PRKN: variants seen among roughly 807,000 people sequenced by gnomAD.
PRKN encodes parkin RBR E3 ubiquitin protein ligase, also known as E3 ubiquitin-protein ligase parkin.
PRKN carries 56 observed loss-of-function variants against 59.5 expected under a neutral mutation model. That is an observed-to-expected ratio of 0.94 (90% confidence interval 0.76 to 1.18). The LOEUF is 1.18. Among genes scored for constraint, PRKN ranks in the 50% most tolerant of loss-of-function variants. The probability of loss-of-function intolerance (pLI) is 0.00; values close to 1 mark genes in which losing one functional copy is unlikely to be tolerated. For synonymous variants in PRKN, 250 were observed against 222.1 expected (o/e 1.13, Z -1.12); for missense variants, 657 against 596.4 (o/e 1.10, Z -1.06).
intron 9 of PRKN, among the ~76,000 whole-genome samples, chr6:161,421,145 T>C (rs1426663507): frequency 6.6e-6 from 1 of 152,144 alleles, no homozygotes; most frequent in Non-Finnish European, 1.5e-5. Flanking sequence ...TGGGTGAGCC[T>C]TTACCCTCCA....
chr6:161,787,414 CCAAA>C (rs1177945138), intron 6 of PRKN, among the ~76,000 whole-genome samples: 4 of 152,276 alleles, frequency 2.6e-5, no homozygotes, highest in Middle Eastern at 3.4e-3. Flanking sequence ...CTATTTCTAA[CCAAA>C]CAGTCACTCG....
chr6:162,450,702 G>A lies in PRKN; in HGVS notation c.8-7229C>T, dbSNP rs376522497. Among the ~76,000 whole-genome samples the A allele has an allele frequency of 4.2e-4, 64 of 152,230 alleles. 2 individuals are homozygous for A. In the South Asian group the frequency reaches 6.0e-3, roughly 14 times the overall value. On this transcript the variant is annotated intron_variant, in intron 1 of 11. Transcript: ENST00000366898. ...GTAAAAAACACCTGGCCAGCACTGC[G>A]CAAACCTTTCAAGGTCATCCAAAAC...
chr6:161,530,710 G>A lies in PRKN; in HGVS notation c.1083+18144C>T, dbSNP rs1197429665. ...TTTTTCTATTTTTAGTGGAGACGGG[G>A]TTTCTCTATGTTGGTCAGGCCAGTC... On this transcript the variant is annotated intron_variant, in intron 9 of 11. Coordinates refer to ENST00000366898, the MANE Select transcript of PRKN (RefSeq NM_004562.3). The surrounding 1 kb of genome is among the most constrained non-coding windows in gnomAD (Gnocchi z 5.0). Among the ~76,000 whole-genome samples the A allele has an allele frequency of 6.6e-6, 1 of 151,670 alleles. No individual in the cohort carries two copies. Among genetic ancestry groups the A allele is most frequent in the Admixed American group, 6.6e-5 (1 of 15,236 alleles).
chr6:162,721,162 C>T (rs1778928706), intron 1 of PRKN, among the ~76,000 whole-genome samples: 1 of 152,214 alleles, frequency 6.6e-6, no homozygotes, highest in Non-Finnish European at 1.5e-5. Context: ...CTCTATTAAA[C>T]ATTATCTGGA....
At chr6:162,649,728 C>G (rs1305084143) in intron 1 of PRKN, among the ~76,000 whole-genome samples, 2 of 151,798 alleles carry the variant, frequency 1.3e-5, no homozygotes, top group Non-Finnish European at 2.9e-5. Context: ...AATGTGAGAA[C>G]TAATGATACA....
intron 1 of PRKN, among the ~76,000 whole-genome samples, chr6:162,584,794 TCCCCTCCCCTCCCCTCCC>T (rs1780948385): frequency 1.5e-4 from 1 of 6,610 alleles, no homozygotes; most frequent in Admixed American, 1.5e-3. Context: ...TCCTCTCCCC[TCCCCTCCCCTCCCCTCCC>T]CTCCCCTCCC....
chr6:162,543,312 C>T (rs1349099226), intron 1 of PRKN, among the ~76,000 whole-genome samples: 2 of 152,086 alleles, frequency 1.3e-5, no homozygotes, highest in Non-Finnish European at 2.9e-5. Flanking sequence ...GGCTTCTTGG[C>T]TAATCTTAGC....
At chr6:162,551,382 T>C (rs1779325666) in intron 1 of PRKN, among the ~76,000 whole-genome samples, 1 of 152,198 alleles carries the variant, frequency 6.6e-6, no homozygotes, top group South Asian at 2.1e-4. Context: ...CAAAAGAATA[T>C]CATAAACAAA....
rs999463569 is a variant in PRKN at position 162,691,206 on chromosome 6, T to A, written c.7+36456A>T. Among the ~76,000 whole-genome samples the A allele has an allele frequency of 3.9e-5, 6 of 152,110 alleles. No individual in the cohort carries two copies. The East Asian group carries it at 1.2e-3, about 29-fold the overall frequency. On this transcript the variant is annotated intron_variant, in intron 1 of 11. Transcript: ENST00000366898. The stretch of plus-strand genomic sequence containing the variant: ...GCCCCTACTATATCTAAATATATAG[T>A]TGGAAATGTAAAGCAAAAGCATTTC...
At position 161,576,149 on chromosome 6, in the gene PRKN, A is replaced by G. The variant is rs1054843770; in HGVS notation, c.872-6733T>C. Among the ~76,000 whole-genome samples the G allele has an allele frequency of 2.0e-5, 3 of 152,216 alleles. No individual in the cohort carries two copies. Among genetic ancestry groups the G allele is most frequent in the Admixed American group, 2.0e-4 (3 of 15,286 alleles). ...CTGGAAAACTCACTAAGCTGTCTCG[A>G]CAGAGTAATTGCATTCAGTCAGCAG... On this transcript the variant is annotated intron_variant, in intron 7 of 11. Transcript: ENST00000366898. The surrounding 1 kb of genome is among the most constrained non-coding windows in gnomAD (Gnocchi z 4.6).
chr6:162,672,728 G>A (rs1390959158), intron 1 of PRKN, among the ~76,000 whole-genome samples: 3 of 150,278 alleles, frequency 2.0e-5, no homozygotes, highest in South Asian at 2.1e-4. Flanking sequence ...GTATGCATGT[G>A]TATAGATATA....
intron 6 of PRKN, among the ~76,000 whole-genome samples, chr6:161,804,061 C>T (rs1056241522): frequency 2.0e-5 from 3 of 152,320 alleles, no homozygotes; most frequent in Non-Finnish European, 2.9e-5. Context: ...AGAACACTGA[C>T]GGTAACACAT....
Position 162,175,519 on chromosome 6 carries a change from C to G in PRKN, c.534+25612G>C, listed in dbSNP as rs555196098. Among the ~76,000 whole-genome samples, 36 of 152,244 alleles carry G rather than the reference C, an allele frequency of 2.4e-4. 2 individuals carry two copies. In the South Asian group the frequency reaches 7.5e-3, roughly 32 times the overall value. ...CTAAAAACAAATCAAACGAAAGAAACTTAGTCTCATATTCTATTGTCAAAA... is the reference window on the plus strand; with the variant it reads ...CTAAAAACAAATCAAACGAAAGAAAGTTAGTCTCATATTCTATTGTCAAAA... On this transcript the variant is annotated intron_variant, in intron 4 of 11. Coordinates refer to ENST00000366898, the MANE Select transcript of PRKN (RefSeq NM_004562.3).
intron 6 of PRKN, among the ~76,000 whole-genome samples, chr6:161,876,123 C>T (rs1030803826): frequency 6.6e-5 from 10 of 152,082 alleles, no homozygotes; most frequent in Non-Finnish European, 1.5e-4. Flanking sequence ...CATTGCTTTT[C>T]CTGTCTCATT....
At chr6:162,466,957 T>C (rs77247891) in intron 1 of PRKN, among the ~76,000 whole-genome samples, 1,654 of 152,242 alleles carry the variant, frequency 0.011, 23 homozygotes, top group African/African-American at 0.036. Context: ...CCCAGTTTTA[T>C]CCCCAACTTC....
intron 2 of PRKN, among the ~76,000 whole-genome samples, chr6:162,306,318 C>A (rs1583348620): frequency 6.6e-6 from 1 of 152,228 alleles, no homozygotes; most frequent in Admixed American, 6.5e-5. Context: ...GGAGAGAGTA[C>A]CAGACACCCC....
rs924529597 is a variant in PRKN at position 161,715,982 on chromosome 6, G to A, written c.871+69790C>T. The A allele has an allele frequency of 2.6e-5, 15 of 585,228 alleles. No individual in the cohort carries two copies. The East Asian group carries it at 9.6e-4, about 37-fold the overall frequency. The allele number at this position is 585,228 out of a possible 1,614,324, so 36.3% of individuals were successfully genotyped here. On this transcript the variant is annotated intron_variant, in intron 7 of 11. Coordinates refer to ENST00000366898, the MANE Select transcript of PRKN (RefSeq NM_004562.3). ...GACAGACTGGGTGAGAAGCGCTGGGGTGGGGCCCTGTGATCTATATTTAAC... is the reference window on the plus strand; with the variant it reads ...GACAGACTGGGTGAGAAGCGCTGGGATGGGGCCCTGTGATCTATATTTAAC...
rs1377341626 is a variant in PRKN at position 161,593,999 on chromosome 6, AC to A, written c.872-24584del. ...ACCCCATCTCTACTAAAAAAAAAAA[AC>A]AAAAAACAAAAACCCAGCAGGGTAT... On this transcript the variant is annotated intron_variant, in intron 7 of 11. Transcript: ENST00000366898. This position sits in a 1 kb window ranked among gnomAD's most constrained non-coding sequence, Gnocchi z 4.8. Among the ~76,000 whole-genome samples the A allele has an allele frequency of 4.6e-5, 7 of 151,658 alleles. No homozygotes were observed. The South Asian group carries it at 1.5e-3, about 32-fold the overall frequency.
At chr6:161,490,571 A>G (rs771950706) in intron 9 of PRKN, among the ~76,000 whole-genome samples, 8 of 151,680 alleles carry the variant, frequency 5.3e-5, no homozygotes, top group Non-Finnish European at 1.2e-4. Flanking sequence ...TTGTATTTTT[A>G]GTAGAGATGG....
Sources: allele counts gnomAD v4.1 joint callset (sites outside exome capture counted in the v4.1 genomes callset), GRCh38; gene constraint gnomAD v4.1.1; non-coding constraint Gnocchi (gnomAD v3.1); transcripts MANE v1.5; gene names NCBI Gene and HGNC (gene_info 2026-07-23, HGNC 2026-07-21).